GRM5: variants seen among roughly 807,000 people sequenced by gnomAD.
GRM5 encodes the protein glutamate metabotropic receptor 5.
Under a neutral mutation model 83.1 loss-of-function variants are expected in GRM5, and 19 were observed. That is an observed-to-expected ratio of 0.23 (90% CI 0.16 to 0.34). The LOEUF (loss-of-function observed/expected upper bound fraction) is 0.34, where lower values mean the gene tolerates loss of function less well. Ranked by LOEUF, GRM5 falls within the 10% of genes least tolerant of loss-of-function variation. GRM5 has a pLI of 1.00. For missense variants in GRM5, 1,160 were observed against 1,588.3 expected, an observed-to-expected ratio of 0.73 and a Z score of 4.58; for synonymous variants, 675 against 633.6, an observed-to-expected ratio of 1.07 and a Z score of -0.98.
intron 9 of GRM5, among the ~76,000 whole-genome samples, chr11:88,518,817 A>G (rs544349693): frequency 1.8e-4 from 27 of 151,234 alleles, no homozygotes; most frequent in African/African-American, 6.3e-4. Flanking sequence ...TAGGGTGGAG[A>G]TTATTTTATA....
chr11:88,524,300 C>A (rs1319170438), intron 9 of GRM5, among the ~76,000 whole-genome samples: 1 of 149,096 alleles, frequency 6.7e-6, no homozygotes, highest in African/African-American at 2.5e-5. Context: ...TCACTGCAAC[C>A]TCTGCCTCCT....
At chr11:88,555,858 A>G (rs1942614682) in intron 8 of GRM5, among the ~76,000 whole-genome samples, 2 of 152,300 alleles carry the variant, frequency 1.3e-5, no homozygotes, top group East Asian at 1.9e-4. Flanking sequence ...AATTTATTGC[A>G]GTGATTTATC....
intron 3 of GRM5, among the ~76,000 whole-genome samples, chr11:88,672,465 A>G (rs999756773): frequency 6.6e-6 from 1 of 152,010 alleles, no homozygotes; most frequent in African/African-American, 2.4e-5. Context: ...TGTATAACAA[A>G]GACCTATACA....
chr11:88,509,718 G>A (rs1431216493), intron 9 of GRM5, among the ~76,000 whole-genome samples: 6 of 152,152 alleles, frequency 3.9e-5, no homozygotes, highest in Non-Finnish European at 7.4e-5. Flanking sequence ...CTATATCAGG[G>A]CTTCAGTTTA....
chr11:88,816,479 T>A lies in GRM5; in HGVS notation c.911+33427A>T, dbSNP rs185172877. Among the ~76,000 whole-genome samples, 208 of 138,628 alleles carry A rather than the reference T, an allele frequency of 1.5e-3. 1 individual carries two copies. Among genetic ancestry groups the A allele is most frequent in the African/African-American group, 5.2e-3 (195 of 37,490 alleles). The allele number at this position is 138,628 out of a possible 152,430, so 90.9% of individuals were successfully genotyped here. A position where few individuals can be genotyped will look rare whatever the true frequency, so the allele number is the denominator to read the frequency against. ...ACTTGAACCTGGGAGGCAGAGGTTGTGGTGAGCCGAGATCATGCCACTGCA... is the reference window on the plus strand; with the variant it reads ...ACTTGAACCTGGGAGGCAGAGGTTGAGGTGAGCCGAGATCATGCCACTGCA... On this transcript the variant is annotated intron_variant, in intron 3 of 9. Coordinates refer to ENST00000305447, the MANE Select transcript of GRM5 (RefSeq NM_001143831.3).
chr11:89,053,973 A>C (rs1047461771), intron 1 of GRM5, among the ~76,000 whole-genome samples: 9 of 152,202 alleles, frequency 5.9e-5, no homozygotes. Context: ...AGACATGGAG[A>C]ACAAGAGGTA....
At chr11:88,560,371 C>T (rs1406946189) in intron 8 of GRM5, among the ~76,000 whole-genome samples, 1 of 152,050 alleles carries the variant, frequency 6.6e-6, no homozygotes, top group African/African-American at 2.4e-5. Flanking sequence ...CACTGTATTG[C>T]TTTATTGAAC....
At chr11:88,905,198 GA>G (rs1310727971) in intron 2 of GRM5, among the ~76,000 whole-genome samples, 1 of 152,162 alleles carries the variant, frequency 6.6e-6, no homozygotes, top group Non-Finnish European at 1.5e-5. Context: ...GAAGAATGTG[GA>G]AATTAACATC....
At chr11:88,571,642 C>T (rs115975009) in intron 7 of GRM5, among the ~76,000 whole-genome samples, 1 of 152,278 alleles carries the variant, frequency 6.6e-6, no homozygotes, top group African/African-American at 2.4e-5. Context: ...GAATAAGCAA[C>T]TTCAGTTATG....
chr11:88,941,963 CAT>C (rs1938129530), intron 2 of GRM5, among the ~76,000 whole-genome samples: 1 of 151,964 alleles, frequency 6.6e-6, no homozygotes, highest in Admixed American at 6.6e-5. Context: ...AAAAAATTCA[CAT>C]GAGGAAGACA....
intron 2 of GRM5, among the ~76,000 whole-genome samples, chr11:88,964,371 G>GT (rs35284482): frequency 0.48 from 71,047 of 149,030 alleles, 17,294 homozygotes; most frequent in South Asian, 0.66. Context: ...GGCACAGAGG[G>GT]TTTTTTTTTT....
At chr11:88,652,426 AAAT>A (rs1439874505) in intron 4 of GRM5, among the ~76,000 whole-genome samples, 4 of 152,068 alleles carry the variant, frequency 2.6e-5, no homozygotes, top group African/African-American at 9.7e-5. Context: ...GACATGTTAC[AAAT>A]AATATTAACC....
intron 2 of GRM5, among the ~76,000 whole-genome samples, chr11:89,027,979 CCT>C (rs1334986286): frequency 2.6e-5 from 4 of 152,128 alleles, no homozygotes; most frequent in Non-Finnish European, 5.9e-5. Context: ...CCCCATTTGC[CCT>C]CTTTTCCTTG....
At chr11:89,004,072 A>C (rs1940460598) in intron 2 of GRM5, among the ~76,000 whole-genome samples, 1 of 152,228 alleles carries the variant, frequency 6.6e-6, no homozygotes, top group Admixed American at 6.5e-5. Flanking sequence ...TTGAGATCAA[A>C]GAATTATTGG....
At chr11:88,553,737 C>T (rs1228382163) in intron 8 of GRM5, among the ~76,000 whole-genome samples, 1 of 152,108 alleles carries the variant, frequency 6.6e-6, no homozygotes, top group African/African-American at 2.4e-5. Context: ...TCAGAGCCAA[C>T]CTAGGGATGA....
At chr11:88,968,465 T>G (rs1939062808) in intron 2 of GRM5, among the ~76,000 whole-genome samples, 1 of 152,078 alleles carries the variant, frequency 6.6e-6, no homozygotes, top group Admixed American at 6.6e-5. Flanking sequence ...GGAGGATTAC[T>G]TGAAGCTGGA....
chr11:88,813,619 C>G (rs1368730292), intron 3 of GRM5, among the ~76,000 whole-genome samples: 1 of 152,008 alleles, frequency 6.6e-6, no homozygotes, highest in Non-Finnish European at 1.5e-5. Context: ...AGTTTTATAT[C>G]ACAACAGTTT....
intron 3 of GRM5, among the ~76,000 whole-genome samples, chr11:88,677,099 A>G (rs933124863): frequency 2.0e-5 from 3 of 152,008 alleles, no homozygotes; most frequent in Non-Finnish European, 4.4e-5. Flanking sequence ...ATAATTTCAT[A>G]TTTGTATTTA....
chr11:88,696,459 C>A (rs547127509), intron 3 of GRM5, among the ~76,000 whole-genome samples: 13 of 152,290 alleles, frequency 8.5e-5, no homozygotes, highest in Admixed American at 2.0e-4. Context: ...CTACCCAGCA[C>A]TTCCCTGCCT....
Sources: allele counts gnomAD v4.1 joint callset (sites outside exome capture counted in the v4.1 genomes callset), GRCh38; gene constraint gnomAD v4.1.1; transcripts MANE v1.5; gene names NCBI Gene and HGNC (gene_info 2026-07-23, HGNC 2026-07-21).